Variants in CTNNA2 observed in about 807,000 individuals in gnomAD.
The protein encoded by CTNNA2 is catenin alpha 2.
In CTNNA2, 42 loss-of-function variants were observed where a neutral mutation model predicts 101.0. That is an observed-to-expected ratio of 0.42 (90% CI 0.32 to 0.54). The LOEUF (loss-of-function observed/expected upper bound fraction) is 0.54. CTNNA2 is among the 20% of genes least tolerant of loss of function. The pLI, the probability that CTNNA2 is intolerant of heterozygous loss-of-function variation, is 0.14. For synonymous variants in CTNNA2, 450 were observed against 456.4 expected, an observed-to-expected ratio of 0.99 and a Z score of 0.18; for missense variants, 871 against 1,223.1, an observed-to-expected ratio of 0.71 and a Z score of 4.29.
At chr2:79,998,817 C>A (rs1054933107) in intron 7 of CTNNA2, among the ~76,000 whole-genome samples, 1 of 152,092 alleles carries the variant, frequency 6.6e-6, no homozygotes, top group Non-Finnish European at 1.5e-5. Flanking sequence ...CACTCCCCTC[C>A]CCAACCCCCA....
intron 2 of CTNNA2, among the ~76,000 whole-genome samples, chr2:79,224,992 A>G (rs912034446): frequency 1.3e-5 from 2 of 152,000 alleles, no homozygotes; most frequent in African/African-American, 4.8e-5. Flanking sequence ...ATGACAGTCT[A>G]CAAATATACT....
chr2:79,727,164 A>G (rs757799985), intron 2 of CTNNA2, among the ~76,000 whole-genome samples: 1 of 152,234 alleles, frequency 6.6e-6, no homozygotes, highest in African/African-American at 2.4e-5. Context: ...AAGAAAATAC[A>G]TGGGAATTAT....
chr2:79,240,155 A>G (rs1400495909), intron 2 of CTNNA2, among the ~76,000 whole-genome samples: 1 of 150,192 alleles, frequency 6.7e-6, no homozygotes, highest in Non-Finnish European at 1.5e-5. Context: ...TGACCCACCC[A>G]CCTCAGCCTC....
At chr2:80,401,721 T>G (rs1228147563) in intron 8 of CTNNA2, among the ~76,000 whole-genome samples, 1 of 152,020 alleles carries the variant, frequency 6.6e-6, no homozygotes, top group African/African-American at 2.4e-5. Flanking sequence ...TGGCCTCTAT[T>G]AGACCTTTCC....
intron 2 of CTNNA2, among the ~76,000 whole-genome samples, chr2:79,236,739 T>C (rs987440375): frequency 1.3e-5 from 2 of 152,250 alleles, no homozygotes; most frequent in African/African-American, 4.8e-5. Context: ...CTGTTGTAGA[T>C]TCAAATGCAG....
At chr2:80,198,157 G>C (rs1706958689) in intron 7 of CTNNA2, among the ~76,000 whole-genome samples, 1 of 152,208 alleles carries the variant, frequency 6.6e-6, no homozygotes, top group Non-Finnish European at 1.5e-5. Context: ...TGGAGGAGGA[G>C]CTGGTAGTGA....
At chr2:80,561,832 T>A (rs1693625893) in intron 12 of CTNNA2, among the ~76,000 whole-genome samples, 1 of 146,258 alleles carries the variant, frequency 6.8e-6, no homozygotes, top group South Asian at 2.1e-4. Context: ...GGCTAATTTT[T>A]TTTTTTTTTT....
At chr2:79,297,713 T>TAGA (rs1676014655) in intron 2 of CTNNA2, among the ~76,000 whole-genome samples, 2 of 152,216 alleles carry the variant, frequency 1.3e-5, no homozygotes, top group Non-Finnish European at 2.9e-5. Flanking sequence ...ATCTACTCAT[T>TAGA]GCTTTAACTC....
At chr2:79,748,892 C>T (rs748371533) in intron 3 of CTNNA2, among the ~76,000 whole-genome samples, 2 of 152,134 alleles carry the variant, frequency 1.3e-5, no homozygotes, top group African/African-American at 2.4e-5. Context: ...TGCTGAACCC[C>T]TATGGACTCT....
intron 7 of CTNNA2, among the ~76,000 whole-genome samples, chr2:80,388,082 A>T (rs1202024941): frequency 1.3e-5 from 2 of 152,248 alleles, no homozygotes; most frequent in African/African-American, 4.8e-5. Flanking sequence ...CCTCAAAGTG[A>T]GATTTTACTG....
intron 7 of CTNNA2, among the ~76,000 whole-genome samples, chr2:79,929,957 C>T (rs924725894): frequency 1.3e-5 from 2 of 152,094 alleles, no homozygotes; most frequent in Admixed American, 1.3e-4. Context: ...GGGTTCCTGG[C>T]CAGCCGTGGT....
chr2:80,302,602 G>T lies in CTNNA2; in HGVS notation c.1057-90609G>T. 6.2e-7 allele frequency: 1 copy of T among 1,606,416 alleles called. No individual in the cohort carries two copies. The highest frequency in any genetic ancestry group is 1.1e-5 in the South Asian group (1 of 91,028). ...CTGGAAGAGCCACGGTGGCAGGCTC[G>T]AATGTGCCGTCGTGCTGCCCCTCCC... On this transcript the variant is annotated intron_variant, in intron 7 of 18. Coordinates refer to ENST00000402739, the MANE Select transcript of CTNNA2 (RefSeq NM_001282597.3). The surrounding 1 kb of genome is among the most constrained non-coding windows in gnomAD (Gnocchi z 6.4).
chr2:80,616,177 C>T (rs1202646688), intron 17 of CTNNA2, among the ~76,000 whole-genome samples: 1 of 151,636 alleles, frequency 6.6e-6, no homozygotes, highest in African/African-American at 2.4e-5. Context: ...TGGCAAATCT[C>T]TTTTGCAACT....
At chr2:80,206,554 T>A (rs2149027914) in intron 7 of CTNNA2, among the ~76,000 whole-genome samples, 1 of 152,334 alleles carries the variant, frequency 6.6e-6, no homozygotes, top group South Asian at 2.1e-4. Flanking sequence ...CAGTTTTGCA[T>A]GGTGAAAAGA....
intron 11 of CTNNA2, among the ~76,000 whole-genome samples, chr2:80,554,020 A>G (rs544333334): frequency 6.6e-6 from 1 of 152,322 alleles, no homozygotes; most frequent in East Asian, 1.9e-4. Flanking sequence ...TATAGTTGAA[A>G]TTAAAGAAAT....
intron 1 of CTNNA2, among the ~76,000 whole-genome samples, chr2:79,623,673 G>T (rs955368975): frequency 6.6e-6 from 1 of 152,096 alleles, no homozygotes; most frequent in African/African-American, 2.4e-5. Flanking sequence ...TCAAGTAATT[G>T]ATGTCCCCTA....
intron 2 of CTNNA2, among the ~76,000 whole-genome samples, chr2:79,305,861 C>T (rs1178923294): frequency 2.0e-5 from 3 of 151,802 alleles, no homozygotes; most frequent in Non-Finnish European, 2.9e-5. Flanking sequence ...CTGGCTAACA[C>T]GGTGAAACCC....
At chr2:80,007,258 A>G (rs408144) in intron 7 of CTNNA2, among the ~76,000 whole-genome samples, 86,082 of 151,956 alleles carry the variant, frequency 0.57, 26,791 homozygotes, top group East Asian at 0.76. Context: ...AACATAATCA[A>G]TTTTCAAAAC....
chr2:80,624,796 C>A (rs913728290), intron 18 of CTNNA2, among the ~76,000 whole-genome samples: 1 of 151,838 alleles, frequency 6.6e-6, no homozygotes, highest in Non-Finnish European at 1.5e-5. Context: ...TGGTAGGAGG[C>A]AGTGCCTGCC....
Sources: allele counts gnomAD v4.1 joint callset (sites outside exome capture counted in the v4.1 genomes callset), GRCh38; gene constraint gnomAD v4.1.1; non-coding constraint Gnocchi (gnomAD v3.1); transcripts MANE v1.5; gene names NCBI Gene and HGNC (gene_info 2026-07-23, HGNC 2026-07-21).